COX7B2: variants seen among roughly 807,000 people sequenced by gnomAD.
The protein encoded by COX7B2 is cytochrome c oxidase subunit 7B2, also known as cytochrome c oxidase subunit 7B2, mitochondrial.
For missense variants in COX7B2, 109 were observed against 95.9 expected (o/e 1.14, Z -0.57); for synonymous variants, 37 against 32.1 (o/e 1.15, Z -0.51).
intron 1 of COX7B2, among the ~76,000 whole-genome samples, chr4:46,886,428 G>T (rs1448299289): frequency 6.6e-6 from 1 of 152,080 alleles, no homozygotes; most frequent in Non-Finnish European, 1.5e-5. Flanking sequence ...TACCTGATTT[G>T]AAGTATACAA....
At chr4:46,851,892 T>C (rs1312373816) in intron 1 of COX7B2, among the ~76,000 whole-genome samples, 1 of 152,132 alleles carries the variant, frequency 6.6e-6, no homozygotes, top group Non-Finnish European at 1.5e-5. Context: ...TTATTCCAAA[T>C]GATGTTTACC....
At chr4:46,793,249 T>C (rs1465439842) in intron 2 of COX7B2, among the ~76,000 whole-genome samples, 1 of 151,902 alleles carries the variant, frequency 6.6e-6, no homozygotes, top group Admixed American at 6.6e-5. Context: ...GCAGGCATCT[T>C]TCCAGCCAGA....
chr4:46,820,145 T>C (rs1280927232), intron 2 of COX7B2, among the ~76,000 whole-genome samples: 2 of 152,214 alleles, frequency 1.3e-5, no homozygotes, highest in South Asian at 4.1e-4. Context: ...GAAATAATTA[T>C]ACAACTTACC....
At chr4:46,844,144 C>T (rs1716116306) in intron 2 of COX7B2, among the ~76,000 whole-genome samples, 1 of 151,832 alleles carries the variant, frequency 6.6e-6, no homozygotes, top group African/African-American at 2.4e-5. Flanking sequence ...CATGAACTTA[C>T]CAAAAAGAAA....
intron 2 of COX7B2, among the ~76,000 whole-genome samples, chr4:46,815,162 C>T (rs1344338792): frequency 1.4e-5 from 2 of 147,458 alleles, no homozygotes; most frequent in Non-Finnish European, 3.0e-5. Context: ...GGCGACAGAT[C>T]GAGACTCTGT....
At chr4:46,742,011 A>T (rs983498657) in intron 2 of COX7B2, among the ~76,000 whole-genome samples, 7 of 152,128 alleles carry the variant, frequency 4.6e-5, no homozygotes, top group African/African-American at 1.7e-4. Context: ...TTTTAGGAAG[A>T]CCATTTATTC....
intron 2 of COX7B2, among the ~76,000 whole-genome samples, chr4:46,819,086 A>G (rs760534712): frequency 1.7e-4 from 26 of 152,198 alleles, no homozygotes; most frequent in Non-Finnish European, 3.4e-4. Context: ...CGTTTTTAAA[A>G]CAAAGCCTTT....
chr4:46,860,729 T>C (rs1021875082), intron 1 of COX7B2, among the ~76,000 whole-genome samples: 2 of 152,178 alleles, frequency 1.3e-5, no homozygotes, highest in Non-Finnish European at 2.9e-5. Context: ...TCCTTTTTAT[T>C]TTCCTCCCTG....
chr4:46,767,772 T>A (rs1254714436), intron 2 of COX7B2, among the ~76,000 whole-genome samples: 1 of 152,124 alleles, frequency 6.6e-6, no homozygotes, highest in Admixed American at 6.5e-5. Context: ...TCACAAAATA[T>A]CTTTTAACAA....
chr4:46,806,179 T>A (rs1318570419), intron 2 of COX7B2, among the ~76,000 whole-genome samples: 1 of 152,112 alleles, frequency 6.6e-6, no homozygotes, highest in Non-Finnish European at 1.5e-5. Flanking sequence ...AATATGCCCC[T>A]GCAATCTTCT....
chr4:46,852,811 A>G (rs567234805), intron 1 of COX7B2, among the ~76,000 whole-genome samples: 2 of 152,216 alleles, frequency 1.3e-5, no homozygotes, highest in South Asian at 2.1e-4. Flanking sequence ...CTGTAGATAC[A>G]TGTCCCACTG....
chr4:46,753,072 T>C (rs1715502210), intron 2 of COX7B2, among the ~76,000 whole-genome samples: 1 of 152,170 alleles, frequency 6.6e-6, no homozygotes, highest in African/African-American at 2.4e-5. Context: ...TGGTAAGCTA[T>C]TAATTATTGC....
rs144907528 is a variant in COX7B2, at chr4:46,819,458, C to T, written c.-50+25502G>A. Among the ~76,000 whole-genome samples the T allele has an allele frequency of 2.8e-3, 431 of 151,306 alleles. 1 individual carries two copies. Among genetic ancestry groups the T allele is most frequent in the African/African-American group, 9.9e-3 (409 of 41,242 alleles). On this transcript the variant is annotated intron_variant, in intron 2 of 2. Coordinates refer to ENST00000355591, the MANE Select transcript of COX7B2 (RefSeq NM_130902.3). ...AAATCAGGGGTGTCCAATCTTTTGG[C>T]TTCTCCAGGCCACACTGCAAGAAGA...
chr4:46,738,236 T>C (rs1309159557), intron 2 of COX7B2, among the ~76,000 whole-genome samples: 1 of 152,258 alleles, frequency 6.6e-6, no homozygotes, highest in African/African-American at 2.4e-5. Context: ...ATTTCATTTT[T>C]CTTATACTCA....
At chr4:46,848,746 C>A (rs1421814347) in intron 1 of COX7B2, among the ~76,000 whole-genome samples, 1 of 151,920 alleles carries the variant, frequency 6.6e-6, no homozygotes, top group African/African-American at 2.4e-5. Flanking sequence ...TATATGTTTA[C>A]ATACATAATA....
chr4:46,800,423 C>T (rs1305515855), intron 2 of COX7B2, among the ~76,000 whole-genome samples: 1 of 151,930 alleles, frequency 6.6e-6, no homozygotes, highest in East Asian at 1.9e-4. Context: ...GACACACAGA[C>T]CAATGGGAAA....
At chr4:46,746,656 C>T (rs1444653808) in intron 2 of COX7B2, among the ~76,000 whole-genome samples, 1 of 152,204 alleles carries the variant, frequency 6.6e-6, no homozygotes, top group Non-Finnish European at 1.5e-5. Context: ...GTGTGATACA[C>T]TGCCCCAGAG....
At chr4:46,741,308 T>C (rs1383972649) in intron 2 of COX7B2, among the ~76,000 whole-genome samples, 1 of 152,084 alleles carries the variant, frequency 6.6e-6, no homozygotes, top group Non-Finnish European at 1.5e-5. Flanking sequence ...GTATGAATAA[T>C]TCTTTGTTGG....
At chr4:46,789,356 C>T (rs1717914592) in intron 2 of COX7B2, among the ~76,000 whole-genome samples, 1 of 152,142 alleles carries the variant, frequency 6.6e-6, no homozygotes, top group African/African-American at 2.4e-5. Flanking sequence ...GCTTCTCCAA[C>T]TTGTTATGTT....
Sources: allele counts gnomAD v4.1 joint callset (sites outside exome capture counted in the v4.1 genomes callset), GRCh38; gene constraint gnomAD v4.1.1; transcripts MANE v1.5; gene names NCBI Gene and HGNC (gene_info 2026-07-23, HGNC 2026-07-21).